Variants in BPIFC observed in about 807,000 individuals in gnomAD.
BPIFC encodes the protein BPI fold containing family C, also known as BPI fold-containing family C protein.
In BPIFC, 60 loss-of-function variants were observed where a neutral mutation model predicts 57.6. That is an observed-to-expected ratio of 1.04 (90% CI 0.85 to 1.29). The LOEUF (loss-of-function observed/expected upper bound fraction) is 1.29, where lower values mean the gene tolerates loss of function less well. Ranked by LOEUF, BPIFC falls within the 50% of genes most tolerant of loss-of-function variation. The pLI is 0.00. For missense variants in BPIFC, 581 were observed against 600.5 expected, an observed-to-expected ratio of 0.97 and a Z score of 0.34; for synonymous variants, 243 against 224.5, an observed-to-expected ratio of 1.08 and a Z score of -0.74.
At chr22:32,453,621 G>C in intron 3 of BPIFC, 118 bp from the exon 4 acceptor site, 1 of 1,271,910 alleles carries the variant, frequency 7.9e-7, no homozygotes. Context: ...CTTAGAAAAT[G>C]GCAACCCCAC....
chr22:32,447,001 T>C (rs1275993480), intron 5 of BPIFC, among the ~76,000 whole-genome samples: 4 of 152,218 alleles, frequency 2.6e-5, no homozygotes, highest in Admixed American at 1.3e-4. Flanking sequence ...TTTGATCATA[T>C]GCTCTGCCTT....
At chr22:32,457,551 A>G (rs1410908489) in intron 2 of BPIFC, among the ~76,000 whole-genome samples, 165 bp from the exon 3 acceptor site, 3 of 143,880 alleles carry the variant, frequency 2.1e-5, no homozygotes, top group African/African-American at 8.3e-5. Flanking sequence ...CCATCCAACC[A>G]TCCATCCGTC....
rs796330210 is a variant in BPIFC at position 32,424,642 on chromosome 22, CTCTTCTTCTTCTTCTTCTTCT to C, written c.1218-5259_1218-5239del. Among the ~76,000 whole-genome samples the C allele has an allele frequency of 1.0e-4, 3 of 28,768 alleles. 1 individual carries two copies. Among genetic ancestry groups the C allele is most frequent in the African/African-American group, 8.9e-4 (3 of 3,376 alleles). 18.9% of individuals were successfully genotyped at this position (28,768 alleles called of 152,430 possible). On this transcript the variant is annotated intron_variant, in intron 13 of 16. Transcript: ENST00000300399. Reference sequence around the variant, plus strand: ...TCCTCCTCCTCCTCTTCTTCTTCTTCTCTTCTTCTTCTTCTTCTTCTTCTTCTTCTTCTTCTTCTTCTTCTT... The same window carrying C: ...TCCTCCTCCTCCTCTTCTTCTTCTTCTCTTCTTCTTCTTCTTCTTCTTCTT...
chr22:32,442,878 A>G, intron 7 of BPIFC, 147 bp from the exon 8 acceptor site: 2 of 755,946 alleles, frequency 2.6e-6, no homozygotes, highest in Non-Finnish European at 4.3e-6. Context: ...AAATTTGTTG[A>G]TGTCTATGGG....
At chr22:32,456,262 G>A (rs554276885) in intron 3 of BPIFC, among the ~76,000 whole-genome samples, 1 of 152,130 alleles carries the variant, frequency 6.6e-6, no homozygotes, top group Non-Finnish European at 1.5e-5. Context: ...TTCCTGGTAC[G>A]TATTTCTACA....
At chr22:32,415,352 G>A (rs1272298421) in intron 16 of BPIFC, among the ~76,000 whole-genome samples, 1 of 152,016 alleles carries the variant, frequency 6.6e-6, no homozygotes, top group Non-Finnish European at 1.5e-5. Context: ...AATTTCTTTA[G>A]AAACATATTT....
intron 16 of BPIFC, among the ~76,000 whole-genome samples, 172 bp from the exon 17 acceptor site, chr22:32,414,597 T>C (rs539899248): frequency 6.6e-6 from 1 of 152,224 alleles, no homozygotes; most frequent in Admixed American, 6.5e-5. Context: ...CACTGCAAGC[T>C]CCGTCCCTCG....
intron 3 of BPIFC, among the ~76,000 whole-genome samples, chr22:32,456,127 T>C (rs1568960698): frequency 6.6e-6 from 1 of 152,228 alleles, no homozygotes; most frequent in East Asian, 1.9e-4. Context: ...CTCCAGAAGG[T>C]GAAGAAAAGA....
Position 32,442,669 on chromosome 22 carries a change from A to C in BPIFC, c.655+2T>G, listed in dbSNP as rs1222834771. 1.2e-6 allele frequency: 2 copies of C among 1,612,814 alleles called. No individual in the cohort carries two copies. Among genetic ancestry groups the C allele is most frequent in the South Asian group, 2.2e-5 (2 of 90,980 alleles). ...TCTGGAAAAGACAGTTCTAAGACTC[A>C]CCCTCCAGTGTGCTGAGGTTGGCAT... On this transcript the variant is annotated splice_donor_variant, in intron 8 of 16. Transcript: ENST00000300399. LOFTEE classifies it high-confidence loss of function.
intron 8 of BPIFC, among the ~76,000 whole-genome samples, chr22:32,438,484 T>C (rs547049859): frequency 2.0e-5 from 3 of 152,252 alleles, no homozygotes; most frequent in African/African-American, 4.8e-5. Flanking sequence ...CTCTGCCTCC[T>C]GGGTTCAAGC....
At chr22:32,434,799 A>T (rs1339566062) in intron 10 of BPIFC, among the ~76,000 whole-genome samples, 6 of 152,228 alleles carry the variant, frequency 3.9e-5, no homozygotes, top group African/African-American at 1.4e-4. Flanking sequence ...TAATTAAAAC[A>T]TATAGAATGA....
chr22:32,435,178 C>T (rs894815175), intron 10 of BPIFC, among the ~76,000 whole-genome samples: 7 of 152,014 alleles, frequency 4.6e-5, no homozygotes, highest in African/African-American at 1.7e-4. Context: ...ATTGAAATTA[C>T]CTCTAAGGTC....
At chr22:32,442,461 T>C (rs888514245) in intron 8 of BPIFC, among the ~76,000 whole-genome samples, 38 of 152,164 alleles carry the variant, frequency 2.5e-4, no homozygotes, top group African/African-American at 9.2e-4. Context: ...GCCACCCCTC[T>C]TGTGGCAGTG....
chr22:32,461,791 A>T (rs1187667726), intron 1 of BPIFC, 130 bp from the exon 2 acceptor site: 2 of 239,180 alleles, frequency 8.4e-6, no homozygotes, highest in African/African-American at 2.3e-5. Context: ...GCCAAACTGA[A>T]AAGCAGTCTT....
At chr22:32,428,214 C>T (rs2145923534) in intron 13 of BPIFC, among the ~76,000 whole-genome samples, 1 of 151,886 alleles carries the variant, frequency 6.6e-6, no homozygotes, top group Middle Eastern at 3.4e-3. Flanking sequence ...AAATTGTATT[C>T]ATTTTTAAAA....
Position 32,414,440 on chromosome 22 carries a change from A to T in BPIFC, c.1402-15T>A, listed in dbSNP as rs766839404. On this transcript the variant is annotated splice_polypyrimidine_tract_variant and intron_variant, in intron 16 of 16. Coordinates refer to ENST00000300399, the MANE Select transcript of BPIFC (RefSeq NM_174932.3). ...AAAAGGAAACCCTGGAAAGGATGTG[A>T]CAATGAAGATAACGTCAAAACTTGG... 6.2e-7 allele frequency: 1 copy of T among 1,612,352 alleles called. No individual in the cohort carries two copies. The highest frequency in any genetic ancestry group is 8.5e-7 in the Non-Finnish European group (1 of 1,179,042).
At chr22:32,457,091 T>C (rs563472258) in intron 3 of BPIFC, among the ~76,000 whole-genome samples, 172 bp downstream of exon 3, 34 of 152,202 alleles carry the variant, frequency 2.2e-4, no homozygotes, top group Non-Finnish European at 4.6e-4. Context: ...GACTATTTTT[T>C]AGGCAACGCT....
At chr22:32,451,438 C>A (rs1341979348) in intron 4 of BPIFC, among the ~76,000 whole-genome samples, 1 of 152,022 alleles carries the variant, frequency 6.6e-6, no homozygotes, top group Non-Finnish European at 1.5e-5. Context: ...AGATCCCTGG[C>A]AAGGACAAAA....
intron 10 of BPIFC, among the ~76,000 whole-genome samples, chr22:32,434,925 G>C (rs1310044426): frequency 6.6e-6 from 1 of 152,132 alleles, no homozygotes; most frequent in Non-Finnish European, 1.5e-5. Flanking sequence ...TATTATTACT[G>C]ATCATTGTAG....
Sources: gnomAD v4.1 joint callset for allele counts (sites outside exome capture counted in the v4.1 genomes callset) on GRCh38, gnomAD v4.1.1 for gene constraint, MANE v1.5 for transcripts, NCBI Gene and HGNC (gene_info 2026-07-23, HGNC 2026-07-21) for gene names.